Variants in LHX6 observed in about 807,000 individuals in gnomAD.
LHX6 encodes the protein LIM/homeobox protein Lhx6.
Under a neutral mutation model 47.1 loss-of-function variants are expected in LHX6, and 15 were observed. The ratio of observed to expected loss-of-function variants is 0.32; its 90% CI spans 0.21 to 0.49. The LOEUF is 0.49. LHX6 is among the 20% of genes least tolerant of loss of function. LHX6 has a pLI of 0.99. For synonymous variants in LHX6, 242 were observed against 233.5 expected (o/e 1.04, Z -0.33); for missense variants, 404 against 539.6 (o/e 0.75, Z 2.49).
rs1162736076 is a variant in LHX6, at chr9:122,228,319, G to A, written c.84+338C>T. ...GCGCGCCGGGTACCGGCCCCGCGTC[G>A]GGATTCTCAGCGCTGCGCCGGCACA... On this transcript the variant is annotated intron_variant, in intron 1 of 9. Coordinates refer to ENST00000394319, the MANE Select transcript of LHX6 (RefSeq NM_014368.5). The A allele has an allele frequency of 2.6e-6, 4 of 1,534,660 alleles. No individual in the cohort carries two copies. In the East Asian group the frequency reaches 7.4e-5, roughly 28 times the overall value.
chr9:122,228,140 T>A (rs1199449782), intron 1 of LHX6: 7 of 411,574 alleles, frequency 1.7e-5, no homozygotes, highest in Admixed American at 4.2e-5. Flanking sequence ...CGCGGCGAAA[T>A]TGAAGCAGCT....
chr9:122,227,443 G>A lies in LHX6; in HGVS notation c.122C>T (p.Thr41Ile), dbSNP rs1831154954. Residue 41 changes from threonine to isoleucine, a missense_variant, in exon 2 of 10, where the codon ACC (threonine) becomes ATC (isoleucine). Transcript: ENST00000394319. ...AQPGSGCKAT[T>I]RCLEGTAPPA... is the part of the protein sequence containing the mutation. ...CGGCGCGGTCCCTTCAAGACAGCGG[G>A]TGGTCGCTTTGCAGCCGGACCCTGG... is the stretch of plus-strand genomic sequence containing the variant. 3.9e-6 allele frequency: 6 copies of A among 1,532,760 alleles called. No individual in the cohort carries two copies. Among genetic ancestry groups the A allele is most frequent in the Non-Finnish European group, 5.2e-6 (6 of 1,143,166 alleles). 94.9% of individuals were successfully genotyped at this position (1,532,760 alleles called of 1,614,324 possible).
At chr9:122,209,760 A>G (rs938696418) in intron 8 of LHX6, 43 bp from the exon 9 acceptor site, 4 of 756,254 alleles carry the variant, frequency 5.3e-6, no homozygotes, top group African/African-American at 5.1e-5. Flanking sequence ...CCCAGGCTGC[A>G]CACAGGATCC....
At chr9:122,221,516 T>C in intron 4 of LHX6, 1 of 985,652 alleles carries the variant, frequency 1.0e-6, no homozygotes, top group Non-Finnish European at 1.2e-6. Context: ...TGAAGTCGTT[T>C]GGGCCTAGCT....
chr9:122,227,431 TC>T lies in LHX6; in HGVS notation c.133del (p.Glu45LysfsTer89). 7.7e-7 allele frequency: 1 copy of T among 1,290,498 alleles called. No individual in the cohort carries two copies. Among genetic ancestry groups the T allele is most frequent in the Non-Finnish European group, 1.0e-6 (1 of 991,108 alleles). 79.9% of individuals were successfully genotyped at this position (1,290,498 alleles called of 1,614,324 possible). ...CACCATGGCGGGCGGCGCGGTCCCT[TC>T]AAGACAGCGGGTGGTCGCTTTGCAG... ...SGCKATTRCL[E>X]GTAPPAMAQS... On this transcript the variant is annotated frameshift_variant, in exon 2 of 10. Transcript: ENST00000394319. LOFTEE classifies it high-confidence loss of function.
At chr9:122,218,733 C>A (rs552825220) in intron 4 of LHX6, among the ~76,000 whole-genome samples, 1 of 152,228 alleles carries the variant, frequency 6.6e-6, no homozygotes, top group South Asian at 2.1e-4. Flanking sequence ...TCTTCAGGCC[C>A]ATCTCCTCCC....
Position 122,203,874 on chromosome 9 carries a change from A to G in LHX6, c.*886T>C, listed in dbSNP as rs1329283802. Reference sequence around the variant, plus strand: ...ACTATGAGAGGTCAACAAGTGGCCAACAGGGGTCCCCAACTCTAACCTGTC... The same window carrying G: ...ACTATGAGAGGTCAACAAGTGGCCAGCAGGGGTCCCCAACTCTAACCTGTC... On this transcript the variant is annotated 3_prime_UTR_variant, in exon 10 of 10. Transcript: ENST00000394319. 1 of 152,374 alleles carries G rather than the reference A, an allele frequency of 6.6e-6. No homozygotes were observed. The highest frequency in any genetic ancestry group is 2.4e-5 in the African/African-American group (1 of 41,462). The allele number at this position is 152,374 out of a possible 1,614,324, so 9.4% of individuals were successfully genotyped here.
chr9:122,227,428 C>A lies in LHX6; in HGVS notation c.137G>T (p.Gly46Val). The A allele has an allele frequency of 2.0e-6, 3 of 1,531,688 alleles. No individual in the cohort carries two copies. Among genetic ancestry groups the A allele is most frequent in the Non-Finnish European group, 2.6e-6 (3 of 1,141,638 alleles). The allele number at this position is 1,531,688 out of a possible 1,614,324, so 94.9% of individuals were successfully genotyped here. ...GCKATTRCLE[G>V]TAPPAMAQSD... Reference sequence around the variant, plus strand: ...ACTCACCATGGCGGGCGGCGCGGTCCCTTCAAGACAGCGGGTGGTCGCTTT... The same window carrying A: ...ACTCACCATGGCGGGCGGCGCGGTCACTTCAAGACAGCGGGTGGTCGCTTT... Residue 46 changes from glycine to valine, a missense_variant, in exon 2 of 10, where the codon GGG becomes GTG. This residue lies in a region of LHX6 where 144 missense variants were observed against 128.7 expected (regional missense o/e 1.12). Transcript: ENST00000394319.
At chr9:122,225,634 C>A (rs1218213052) in intron 4 of LHX6, among the ~76,000 whole-genome samples, 1 of 152,288 alleles carries the variant, frequency 6.6e-6, no homozygotes, top group Non-Finnish European at 1.5e-5. Flanking sequence ...AAGGCAAGGC[C>A]TAGACCCTGG....
intron 9 of LHX6, among the ~76,000 whole-genome samples, chr9:122,206,780 T>C (rs1830195806): frequency 6.6e-6 from 1 of 152,138 alleles, no homozygotes; most frequent in Non-Finnish European, 1.5e-5. Flanking sequence ...CCTCTTTCCA[T>C]GATCCTTTGT....
chr9:122,220,738 T>C (rs1830817650), intron 4 of LHX6, among the ~76,000 whole-genome samples: 1 of 152,192 alleles, frequency 6.6e-6, no homozygotes, highest in Admixed American at 6.5e-5. Flanking sequence ...CTGCTCATCC[T>C]GGCAACTGCT....
rs527901793 is a variant in LHX6 at position 122,215,793 on chromosome 9, A to G, written c.682+1275T>C. ...TGGCCCTGGTATGCCCATGGCCAGG[A>G]ACACTCTTGCGGTCCCTGACTAGTC... On this transcript the variant is annotated intron_variant, in intron 5 of 9. Transcript: ENST00000394319. Among the ~76,000 whole-genome samples the G allele has an allele frequency of 2.0e-5, 3 of 152,292 alleles. 1 individual carries two copies. In the East Asian group the frequency reaches 5.8e-4, roughly 29 times the overall value.
Position 122,204,622 on chromosome 9 carries a change from A to T in LHX6, c.*138T>A. 9.5e-7 allele frequency: 1 copy of T among 1,050,226 alleles called. No homozygotes were observed. The highest frequency in any genetic ancestry group is 1.4e-6 in the Non-Finnish European group (1 of 727,442). The allele number at this position is 1,050,226 out of a possible 1,614,324, so 65.1% of individuals were successfully genotyped here. A position where few individuals can be genotyped will look rare whatever the true frequency, so the allele number is the denominator to read the frequency against. ...GGGAAAGGCCAGGCCTCGGGAACCG[A>T]CCTGGTGGTGGGCAGGATGGCGGAC... On this transcript the variant is annotated 3_prime_UTR_variant, in exon 10 of 10. Transcript: ENST00000394319.
intron 4 of LHX6, among the ~76,000 whole-genome samples, chr9:122,222,394 G>A (rs1007367353): frequency 1.3e-5 from 2 of 152,208 alleles, no homozygotes; most frequent in African/African-American, 4.8e-5. Flanking sequence ...TAAGAGTCCT[G>A]TCACATTTTT....
intron 4 of LHX6, chr9:122,221,233 A>G: frequency 1.0e-6 from 1 of 985,300 alleles, no homozygotes; most frequent in African/African-American, 1.7e-5. Context: ...GGGGAAAAAA[A>G]ACCCAGAACC....
At chr9:122,209,275 A>G (rs1205209602) in intron 9 of LHX6, among the ~76,000 whole-genome samples, 5 of 152,240 alleles carry the variant, frequency 3.3e-5, no homozygotes, top group African/African-American at 1.2e-4. Context: ...AATGAAAAGG[A>G]GAAACCAGTG....
chr9:122,204,736 G>T lies in LHX6; in HGVS notation c.*24C>A. The T allele has an allele frequency of 6.3e-7, 1 of 1,595,096 alleles. No individual in the cohort carries two copies. Among genetic ancestry groups the T allele is most frequent in the Non-Finnish European group, 8.5e-7 (1 of 1,170,582 alleles). On this transcript the variant is annotated 3_prime_UTR_variant, in exon 10 of 10. Coordinates refer to ENST00000394319, the MANE Select transcript of LHX6 (RefSeq NM_014368.5). Reference sequence around the variant, plus strand: ...AGGGGCAGCTGTGGGGCGCCCACGGGCAGATGCGGAAGTGCCGGCAGCGTT... The same window carrying T: ...AGGGGCAGCTGTGGGGCGCCCACGGTCAGATGCGGAAGTGCCGGCAGCGTT...
At position 122,217,061 on chromosome 9, in the gene LHX6, T is replaced by G; in HGVS notation, c.682+7A>C. 1.2e-6 allele frequency: 2 copies of G among 1,612,882 alleles called. No homozygotes were observed. The highest frequency in any genetic ancestry group is 2.2e-5 in the South Asian group (2 of 91,028). On this transcript the variant is annotated splice_region_variant and intron_variant, in intron 5 of 9. Coordinates refer to ENST00000394319, the MANE Select transcript of LHX6 (RefSeq NM_014368.5). The surrounding 1 kb of genome is among the most constrained non-coding windows in gnomAD (Gnocchi z 4.9). ...GGCAGAGGTGCCAGGCGGAGCAGGT[T>G]GGGTACCGTTCTCGGCGGCCCTCTT...
At chr9:122,227,065 C>T in intron 2 of LHX6, 35 bp from the exon 3 acceptor site, 1 of 1,446,900 alleles carries the variant, frequency 6.9e-7, no homozygotes, top group Non-Finnish European at 9.1e-7. Context: ...GAGCGCTGAT[C>T]CGGGCACCCA....
Sources: allele counts gnomAD v4.1 joint callset (sites outside exome capture counted in the v4.1 genomes callset), GRCh38; gene constraint gnomAD v4.1.1; regional missense constraint gnomAD v4.1.1; non-coding constraint Gnocchi (gnomAD v3.1); transcripts MANE v1.5; gene names NCBI Gene and HGNC (gene_info 2026-07-23, HGNC 2026-07-21).